Variants in PKHD1 observed in about 807,000 individuals in gnomAD.
The protein encoded by PKHD1 is PKHD1 ciliary IPT domain containing fibrocystin/polyductin, also known as fibrocystin.
PKHD1 carries 291 observed loss-of-function variants against 412.0 expected under a neutral mutation model. That is an observed-to-expected ratio of 0.71 (90% CI 0.64 to 0.78). The LOEUF is 0.78. PKHD1 is among the 30% of genes least tolerant of loss of function. The probability of loss-of-function intolerance (pLI) is 0.00; values close to 1 mark genes in which losing one functional copy is unlikely to be tolerated. For missense variants in PKHD1, 4,825 were observed against 4,950.7 expected (o/e 0.97, Z 0.76); for synonymous variants, 1,777 against 1,821.5 (o/e 0.98, Z 0.62).
intron 55 of PKHD1, among the ~76,000 whole-genome samples, chr6:51,759,879 C>T (rs542481506): frequency 1.3e-5 from 2 of 152,214 alleles, no homozygotes; most frequent in South Asian, 4.1e-4. Flanking sequence ...AATTAGTCTG[C>T]CTGCCCTCAA....
At chr6:51,981,211 G>A (rs550068439) in intron 35 of PKHD1, among the ~76,000 whole-genome samples, 2 of 143,966 alleles carry the variant, frequency 1.4e-5, no homozygotes, top group African/African-American at 4.9e-5. Context: ...CCTCTACTCC[G>A]ATTGCACAGA....
chr6:51,710,034 C>A (rs1279312866), intron 60 of PKHD1, among the ~76,000 whole-genome samples: 1 of 151,932 alleles, frequency 6.6e-6, no homozygotes, highest in Non-Finnish European at 1.5e-5. Flanking sequence ...CATGGTGAAA[C>A]CCCATCTGTA....
chr6:52,037,812 C>A (rs1804188889), intron 27 of PKHD1, among the ~76,000 whole-genome samples: 2 of 151,972 alleles, frequency 1.3e-5, no homozygotes, highest in African/African-American at 4.8e-5. Flanking sequence ...ACCTCTTGAC[C>A]CAGCAATTCA....
At chr6:52,065,744 G>A (rs371944886) in intron 12 of PKHD1, among the ~76,000 whole-genome samples, 1 of 152,180 alleles carries the variant, frequency 6.6e-6, no homozygotes, top group African/African-American at 2.4e-5. Context: ...AGGGGCACCT[G>A]AGGGAATTGC....
intron 55 of PKHD1, among the ~76,000 whole-genome samples, chr6:51,763,862 T>G (rs1021353713): frequency 1.4e-4 from 21 of 152,034 alleles, no homozygotes; most frequent in African/African-American, 4.3e-4. Flanking sequence ...TGTACAAGTA[T>G]GATAATAAGT....
intron 50 of PKHD1, among the ~76,000 whole-genome samples, chr6:51,840,903 A>G (rs1233317003): frequency 6.6e-6 from 1 of 152,238 alleles, no homozygotes; most frequent in Non-Finnish European, 1.5e-5. Context: ...TTTAGTATCT[A>G]TACATTGTAA....
At chr6:51,981,553 G>A (rs1343404925) in intron 35 of PKHD1, among the ~76,000 whole-genome samples, 8 of 150,570 alleles carry the variant, frequency 5.3e-5, no homozygotes, top group East Asian at 3.9e-4. Flanking sequence ...TCCTAGCCGC[G>A]AGTGATCCGC....
rs761306870 is a variant in PKHD1, at chr6:52,056,936, T to C, written c.1556A>G (p.Asp519Gly). 53 of 1,613,860 alleles carry C rather than the reference T, an allele frequency of 3.3e-5. No individual in the cohort carries two copies. In the Admixed American group the frequency reaches 6.7e-4, roughly 20 times the overall value. Reference protein sequence around the residue: ...SGRGNFFLTWDNVSSQPIPAN... With the variant: ...SGRGNFFLTWGNVSSQPIPAN... ...AGGGATTGGCTGACTAGAGACATTGTCCCAAGTAAGGAAGAAGTTTCCTCT... is the reference window on the plus strand; with the variant it reads ...AGGGATTGGCTGACTAGAGACATTGCCCCAAGTAAGGAAGAAGTTTCCTCT... The change falls in exon 17 of 67, where the codon GAC becomes GGC. Residue 519 changes from aspartate to glycine, a missense_variant. Transcript: ENST00000371117.
At chr6:51,937,640 T>C (rs562174691) in intron 36 of PKHD1, among the ~76,000 whole-genome samples, 12 of 152,222 alleles carry the variant, frequency 7.9e-5, no homozygotes, top group Non-Finnish European at 1.6e-4. Context: ...GATGTATACT[T>C]GGACCAGACC....
chr6:51,893,607 G>A (rs12202513), intron 43 of PKHD1, among the ~76,000 whole-genome samples: 47,035 of 152,134 alleles, frequency 0.31, 8,782 homozygotes, highest in East Asian at 0.74. Context: ...TTGCGGGGAA[G>A]GTTTAAGGCA....
At chr6:52,075,625 T>C (rs888893704) in intron 6 of PKHD1, among the ~76,000 whole-genome samples, 1 of 152,194 alleles carries the variant, frequency 6.6e-6, no homozygotes, top group African/African-American at 2.4e-5. Flanking sequence ...GGCTTTTAAA[T>C]ATCTGTGTGC....
intron 39 of PKHD1, among the ~76,000 whole-genome samples, chr6:51,910,284 G>A (rs1782752009): frequency 6.6e-6 from 1 of 152,000 alleles, no homozygotes; most frequent in Non-Finnish European, 1.5e-5. Flanking sequence ...GGATAATAAA[G>A]ATTTTTCATG....
intron 36 of PKHD1, among the ~76,000 whole-genome samples, chr6:51,951,834 A>T (rs761880578): frequency 2.0e-5 from 3 of 152,214 alleles, no homozygotes; most frequent in Non-Finnish European, 4.4e-5. Context: ...AGGTAAAGAC[A>T]GACCAAGTCC....
intron 36 of PKHD1, among the ~76,000 whole-genome samples, chr6:51,938,926 T>C (rs1251318858): frequency 6.6e-6 from 1 of 151,670 alleles, no homozygotes; most frequent in Admixed American, 6.6e-5. Context: ...CTCTCTCTTC[T>C]CTTAATTTCA....
intron 52 of PKHD1, among the ~76,000 whole-genome samples, chr6:51,795,356 G>C (rs765860675): frequency 3.9e-5 from 6 of 152,216 alleles, no homozygotes; most frequent in Admixed American, 6.5e-5. Flanking sequence ...GGAAATGCTA[G>C]AGATTTTTGC....
At chr6:51,694,254 T>C (rs1187067795) in intron 60 of PKHD1, among the ~76,000 whole-genome samples, 1 of 152,108 alleles carries the variant, frequency 6.6e-6, no homozygotes, top group Non-Finnish European at 1.5e-5. Context: ...TCTGGTCTCA[T>C]CCTGGATAAT....
At chr6:51,798,131 CA>C in intron 52 of PKHD1, among the ~76,000 whole-genome samples, 1 of 152,112 alleles carries the variant, frequency 6.6e-6, no homozygotes, top group Non-Finnish European at 1.5e-5. Flanking sequence ...GTAATTCCAG[CA>C]CTTTGGGAGG....
Position 51,680,131 on chromosome 6 carries a change from A to ATAT in PKHD1, c.10157-20165_10157-20163dup, listed in dbSNP as rs151148060. On this transcript the variant is annotated intron_variant, in intron 60 of 66. Coordinates refer to ENST00000371117, the MANE Select transcript of PKHD1 (RefSeq NM_138694.4). ...CAGAACAGTATCTAAAGCATAATAT[A>ATAT]TATTATTATTATTATTATGCCAAAC... 5.1e-4 allele frequency among the ~76,000 whole-genome samples: 78 copies of ATAT among 151,594 alleles called. 1 individual carries two copies. Among genetic ancestry groups the ATAT allele is most frequent in the South Asian group, 5.0e-3 (24 of 4,812 alleles).
intron 50 of PKHD1, among the ~76,000 whole-genome samples, chr6:51,841,531 G>T (rs868419156): frequency 2.0e-5 from 3 of 152,148 alleles, no homozygotes; most frequent in Non-Finnish European, 2.9e-5. Flanking sequence ...TTGCCATAAA[G>T]GTTAGTGCAG....
Sources: allele counts gnomAD v4.1 joint callset (sites outside exome capture counted in the v4.1 genomes callset), GRCh38; gene constraint gnomAD v4.1.1; transcripts MANE v1.5; gene names NCBI Gene and HGNC (gene_info 2026-07-23, HGNC 2026-07-21).